The following KCNG3 variants were observed in gnomAD, a reference collection of about 807,000 sequenced individuals.
KCNG3 encodes the protein potassium voltage-gated channel modifier subfamily G member 3, also known as voltage-gated potassium channel regulatory subunit KCNG3.
KCNG3 carries 15 observed loss-of-function variants against 29.0 expected under a neutral mutation model. That is an observed-to-expected ratio of 0.52 (90% CI 0.35 to 0.80). The LOEUF (loss-of-function observed/expected upper bound fraction) is 0.80. Ranked by LOEUF, KCNG3 falls within the 30% of genes least tolerant of loss-of-function variation. The pLI is 0.01. For missense variants in KCNG3, 512 were observed against 605.7 expected (o/e 0.85, Z 1.62); for synonymous variants, 322 against 248.9 (o/e 1.29, Z -2.76).
the KCNG3 span, among the ~76,000 whole-genome samples, chr2:42,405,644 G>A: frequency 3.3e-5 from 5 of 151,552 alleles, no homozygotes; most frequent in African/African-American, 4.9e-5. Context: ...GTCTCACTCT[G>A]TCGCCCAGGC....
At chr2:42,467,179 T>A (rs1673162094) in intron 1 of KCNG3, among the ~76,000 whole-genome samples, 1 of 152,140 alleles carries the variant, frequency 6.6e-6, no homozygotes, top group Non-Finnish European at 1.5e-5. Flanking sequence ...AGTTTTAGAA[T>A]AACTGGAAAA....
chr2:42,411,463 GT>G, the KCNG3 span, among the ~76,000 whole-genome samples: 1 of 151,956 alleles, frequency 6.6e-6, no homozygotes, highest in Admixed American at 6.6e-5. Context: ...TATTTTTAAA[GT>G]TTTCTTCATA....
chr2:42,420,729 G>A, the KCNG3 span, among the ~76,000 whole-genome samples: 1 of 152,140 alleles, frequency 6.6e-6, no homozygotes, highest in Non-Finnish European at 1.5e-5. Flanking sequence ...GGCGGAGGTT[G>A]CAGTGAGCCG....
At chr2:42,481,302 A>T (rs1481921642) in intron 1 of KCNG3, among the ~76,000 whole-genome samples, 2 of 152,202 alleles carry the variant, frequency 1.3e-5, no homozygotes, top group East Asian at 1.9e-4. Context: ...CCCTGACACC[A>T]CAGCCTGGAT....
the KCNG3 span, among the ~76,000 whole-genome samples, chr2:42,428,296 T>C: frequency 1.3e-5 from 2 of 150,634 alleles, no homozygotes; most frequent in African/African-American, 4.9e-5. Context: ...CCCATCTCCA[T>C]TAAAAATACA....
At chr2:42,445,575 A>G (rs1247532701) in intron 1 of KCNG3, among the ~76,000 whole-genome samples, 1 of 152,206 alleles carries the variant, frequency 6.6e-6, no homozygotes, top group Non-Finnish European at 1.5e-5. Flanking sequence ...TTTCCCAAAG[A>G]CCACAAATAC....
chr2:42,422,359 G>C, the KCNG3 span, among the ~76,000 whole-genome samples: 1 of 152,044 alleles, frequency 6.6e-6, no homozygotes, highest in African/African-American at 2.4e-5. Context: ...GCCATGTTAT[G>C]ATACAGCTAG....
the KCNG3 span, among the ~76,000 whole-genome samples, chr2:42,415,012 TCTC>T: frequency 6.6e-6 from 1 of 152,228 alleles, no homozygotes; most frequent in African/African-American, 2.4e-5. Context: ...TGATATAAAT[TCTC>T]CTGTTTGTTG....
chr2:42,472,624 C>G (rs151163010), intron 1 of KCNG3, among the ~76,000 whole-genome samples: 3,449 of 151,316 alleles, frequency 0.023, 142 homozygotes, highest in African/African-American at 0.078. Flanking sequence ...TCAGCCTCCC[C>G]AGTAGCTGGG....
Position 42,469,968 on chromosome 2 carries a change from G to C in KCNG3, c.665+22869C>G, listed in dbSNP as rs1464272614. 1.4e-5 allele frequency: 6 copies of C among 440,748 alleles called. 1 individual carries two copies. Among genetic ancestry groups the C allele is most frequent in the East Asian group, 1.2e-4 (3 of 24,260 alleles). The allele number at this position is 440,748 out of a possible 1,614,324, so 27.3% of individuals were successfully genotyped here. A position where few individuals can be genotyped will look rare whatever the true frequency, so the allele number is the denominator to read the frequency against. The stretch of plus-strand genomic sequence containing the variant: ...GCCTGACTCCTTCACAAACCGGTGT[G>C]ATACAGAGAGACACATGGTGTTGCA... On this transcript the variant is annotated intron_variant, in intron 1 of 1. Coordinates refer to ENST00000306078, the MANE Select transcript of KCNG3 (RefSeq NM_133329.6).
rs1672521840 is a variant in KCNG3, at chr2:42,443,134, CT to C, written c.*799del. The stretch of plus-strand genomic sequence containing the variant: ...TTATAATTTTTATGTTGGAAGTATT[CT>C]TGTTTGGACATCTAAATATTAGGAC... On this transcript the variant is annotated 3_prime_UTR_variant, in exon 2 of 2. Coordinates refer to ENST00000306078, the MANE Select transcript of KCNG3 (RefSeq NM_133329.6). 1 of 152,072 alleles carries C rather than the reference CT, an allele frequency of 6.6e-6. No individual in the cohort carries two copies. Among genetic ancestry groups the C allele is most frequent in the South Asian group, 2.1e-4 (1 of 4,822 alleles). 9.4% of individuals were successfully genotyped at this position (152,072 alleles called of 1,614,324 possible).
At chr2:42,455,529 G>A (rs982643566) in intron 1 of KCNG3, among the ~76,000 whole-genome samples, 2 of 152,178 alleles carry the variant, frequency 1.3e-5, no homozygotes, top group African/African-American at 4.8e-5. Context: ...GGGAGGCCAA[G>A]GCAGGAGAAC....
chr2:42,396,233 T>G, the KCNG3 span, among the ~76,000 whole-genome samples: 4 of 152,236 alleles, frequency 2.6e-5, no homozygotes, highest in Non-Finnish European at 5.9e-5. Context: ...ATCATTAAGT[T>G]GAACCATATA....
chr2:42,411,915 A>C, the KCNG3 span, among the ~76,000 whole-genome samples: 14 of 152,238 alleles, frequency 9.2e-5, no homozygotes, highest in Non-Finnish European at 1.6e-4. Flanking sequence ...CTAAATAAAT[A>C]AATCACATTT....
At chr2:42,446,868 T>A (rs995632948) in intron 1 of KCNG3, among the ~76,000 whole-genome samples, 1 of 152,028 alleles carries the variant, frequency 6.6e-6, no homozygotes, top group Non-Finnish European at 1.5e-5. Context: ...AGGCCAGGCA[T>A]GGTGGCTTAT....
intron 1 of KCNG3, among the ~76,000 whole-genome samples, chr2:42,476,498 A>T (rs942637576): frequency 6.6e-6 from 1 of 151,622 alleles, no homozygotes; most frequent in Non-Finnish European, 1.5e-5. Flanking sequence ...AAAAAAAAAA[A>T]ATTTTTGAGA....
At chr2:42,466,389 C>T (rs553803358) in intron 1 of KCNG3, among the ~76,000 whole-genome samples, 8 of 152,172 alleles carry the variant, frequency 5.3e-5, no homozygotes, top group African/African-American at 1.9e-4. Flanking sequence ...GCCTCAGCAA[C>T]AGAGAGAGAC....
Position 42,493,116 on chromosome 2 carries a change from G to A in KCNG3, c.386C>T (p.Ala129Val). Residue 129 changes from alanine (A) to valine (V), a missense_variant, in exon 1 of 2, where the codon GCC becomes GTC. By Grantham distance (64) the Ala-to-Val change is moderately conservative. Transcript: ENST00000306078. ...GCGGCCCAGCACGCCCGGCTCGTCG[G>A]CCGAGTAGAAGGTGTAGGTGTCGGA... Reference protein sequence around the residue: ...RMSDTYTFYSADEPGVLGRDE... With the variant: ...RMSDTYTFYSVDEPGVLGRDE... The A allele has an allele frequency of 1.3e-6, 2 of 1,596,190 alleles. No individual in the cohort carries two copies. Among genetic ancestry groups the A allele is most frequent in the African/African-American group, 1.3e-5 (1 of 74,700 alleles).
Position 42,466,977 on chromosome 2 carries a change from T to A in KCNG3, c.666-22398A>T, listed in dbSNP as rs537188880. ...CATGTTGGCCGGGCTGGTCTCCAAC[T>A]CTTGACCTCAGGTGATCCGCCCGCC... On this transcript the variant is annotated intron_variant, in intron 1 of 1. Coordinates refer to ENST00000306078, the MANE Select transcript of KCNG3 (RefSeq NM_133329.6). Among the ~76,000 whole-genome samples the A allele has an allele frequency of 2.6e-5, 4 of 152,132 alleles. No individual in the cohort carries two copies. In the South Asian group the frequency reaches 8.3e-4, roughly 32 times the overall value.
Sources: allele counts gnomAD v4.1 joint callset (sites outside exome capture counted in the v4.1 genomes callset), GRCh38; gene constraint gnomAD v4.1.1; transcripts MANE v1.5; gene names NCBI Gene and HGNC (gene_info 2026-07-23, HGNC 2026-07-21).